Variants in PCNX2 observed in about 807,000 individuals in gnomAD.
PCNX2 encodes pecanex 2, also known as pecanex-like protein 2.
A neutral mutation model predicts 223.8 loss-of-function variants in PCNX2; 168 were observed. That is an observed-to-expected ratio of 0.75 (90% confidence interval 0.66 to 0.85). The LOEUF (loss-of-function observed/expected upper bound fraction) is 0.85, where lower values mean the gene tolerates loss of function less well. PCNX2 is among the 40% of genes least tolerant of loss of function. The pLI, the probability that PCNX2 is intolerant of heterozygous loss-of-function variation, is 0.00. For missense variants in PCNX2, 2,507 were observed against 2,675.5 expected, an observed-to-expected ratio of 0.94 and a Z score of 1.39; for synonymous variants, 1,006 against 1,052.6, an observed-to-expected ratio of 0.96 and a Z score of 0.86.
chr1:232,990,468 C>T lies in PCNX2; in HGVS notation c.5792-3928G>A, dbSNP rs1358402245. The stretch of plus-strand genomic sequence containing the variant: ...TACATTTCAGGAGAGCCAACAAGAT[C>T]GGCAGCTCTTGGCTCCACTGCTCTT... On this transcript the variant is annotated intron_variant, in intron 32 of 33. Coordinates refer to ENST00000258229, the MANE Select transcript of PCNX2 (RefSeq NM_014801.4). The surrounding 1 kb of genome is among the most constrained non-coding windows in gnomAD (Gnocchi z 4.3). Among the ~76,000 whole-genome samples, 1 of 152,186 alleles carries T rather than the reference C, an allele frequency of 6.6e-6. No individual in the cohort carries two copies. Among genetic ancestry groups the T allele is most frequent in the Non-Finnish European group, 1.5e-5 (1 of 68,032 alleles).
chr1:233,229,140 G>C (rs1446575913), intron 9 of PCNX2, among the ~76,000 whole-genome samples: 2 of 152,170 alleles, frequency 1.3e-5, no homozygotes, highest in African/African-American at 4.8e-5. Context: ...GCATTCATTA[G>C]AGGCCACAGC....
chr1:233,121,070 A>G (rs1443334201), intron 21 of PCNX2, among the ~76,000 whole-genome samples: 1 of 151,796 alleles, frequency 6.6e-6, no homozygotes, highest in African/African-American at 2.4e-5. Flanking sequence ...AAAAAAATAC[A>G]CCCTCCACGA....
At chr1:233,309,549 T>TA in the PCNX2 span, among the ~76,000 whole-genome samples, 3 of 117,508 alleles carry the variant, frequency 2.6e-5, no homozygotes, top group Admixed American at 2.5e-4. Flanking sequence ...AAAAAAATAA[T>TA]AATAATAATA....
In PCNX2 at chr1:233,237,070, C is replaced by G; in HGVS notation, c.2223-90G>C. ...CACAAACACAAGGACAATAGGAATG[C>G]CCAAAGCAGGTAGTGGATGAGACTT... is the stretch of plus-strand genomic sequence containing the variant. On this transcript the variant is annotated intron_variant, in intron 8 of 33. Coordinates refer to ENST00000258229, the MANE Select transcript of PCNX2 (RefSeq NM_014801.4). 11 of 1,518,256 alleles carry G rather than the reference C, an allele frequency of 7.2e-6. No homozygotes were observed. The South Asian group carries it at 1.2e-4, about 17-fold the overall frequency. The allele number at this position is 1,518,256 out of a possible 1,614,324, so 94.0% of individuals were successfully genotyped here.
chr1:233,118,902 C>T (rs1352400539), intron 21 of PCNX2, among the ~76,000 whole-genome samples: 1 of 152,000 alleles, frequency 6.6e-6, no homozygotes, highest in Non-Finnish European at 1.5e-5. Flanking sequence ...AATAGCAAAA[C>T]AATTTTGGGA....
intron 9 of PCNX2, among the ~76,000 whole-genome samples, chr1:233,235,465 G>T (rs1369340729): frequency 2.0e-5 from 3 of 152,002 alleles, no homozygotes; most frequent in East Asian, 3.9e-4. Flanking sequence ...GCACTTTTAA[G>T]TTAAGTCATC....
chr1:233,114,177 C>T (rs1043358141), intron 21 of PCNX2, among the ~76,000 whole-genome samples: 3 of 152,090 alleles, frequency 2.0e-5, no homozygotes, highest in Non-Finnish European at 2.9e-5. Context: ...CTGGGGTGAA[C>T]GGTGAAGTAG....
intron 23 of PCNX2, among the ~76,000 whole-genome samples, chr1:233,074,041 TTTTC>T (rs1672975135): frequency 1.3e-5 from 2 of 152,206 alleles, no homozygotes; most frequent in Non-Finnish European, 1.5e-5. Flanking sequence ...TAGTTTTTAA[TTTTC>T]TTTGAGATTT....
chr1:232,992,502 G>A (rs1669737259), intron 32 of PCNX2, among the ~76,000 whole-genome samples: 1 of 152,224 alleles, frequency 6.6e-6, no homozygotes, highest in Non-Finnish European at 1.5e-5. Flanking sequence ...AGTAATGCTT[G>A]TTTCCATCAA....
At chr1:233,088,514 T>G (rs888114812) in intron 23 of PCNX2, among the ~76,000 whole-genome samples, 1 of 152,184 alleles carries the variant, frequency 6.6e-6, no homozygotes, top group African/African-American at 2.4e-5. Context: ...TTTTTTTTAC[T>G]CTCTGGCTCT....
In PCNX2 at chr1:233,172,405, C is replaced by A. The variant is rs948570875; in HGVS notation, c.3273+5397G>T. 3.9e-5 allele frequency: 38 copies of A among 985,310 alleles called. No individual in the cohort carries two copies. In the African/African-American group the frequency reaches 6.1e-4, roughly 16 times the overall value. 61.0% of individuals were successfully genotyped at this position (985,310 alleles called of 1,614,324 possible). A position where few individuals can be genotyped will look rare whatever the true frequency, so the allele number is the denominator to read the frequency against. On this transcript the variant is annotated intron_variant, in intron 17 of 33. Coordinates refer to ENST00000258229, the MANE Select transcript of PCNX2 (RefSeq NM_014801.4). Reference sequence around the variant, plus strand: ...ATTTGGTGCCATCTAGTTGTTTGAACTTGTGCTGCAAATCCATGCAAACTT... The same window carrying A: ...ATTTGGTGCCATCTAGTTGTTTGAAATTGTGCTGCAAATCCATGCAAACTT...
chr1:233,210,925 C>G (rs2102915786), intron 12 of PCNX2, among the ~76,000 whole-genome samples: 1 of 152,242 alleles, frequency 6.6e-6, no homozygotes, highest in South Asian at 2.1e-4. Flanking sequence ...GTCTCATCAC[C>G]CAAATGCTAG....
chr1:233,213,722 T>C (rs569100650), intron 12 of PCNX2, among the ~76,000 whole-genome samples: 3 of 151,640 alleles, frequency 2.0e-5, no homozygotes, highest in East Asian at 1.9e-4. Context: ...AAGACACATA[T>C]GTAAAGAGAA....
intron 15 of PCNX2, among the ~76,000 whole-genome samples, chr1:233,193,270 G>A (rs1456818303): frequency 6.6e-6 from 1 of 151,608 alleles, no homozygotes; most frequent in Non-Finnish European, 1.5e-5. Flanking sequence ...AGAAATGAGA[G>A]ACATGAAAGA....
intron 1 of PCNX2, chr1:233,291,074 G>A: frequency 1.0e-6 from 1 of 985,360 alleles, no homozygotes; most frequent in Non-Finnish European, 1.2e-6. Context: ...CCTTCAAAGT[G>A]CTCTTATATG....
intron 28 of PCNX2, among the ~76,000 whole-genome samples, chr1:233,009,981 A>G (rs1332909019): frequency 2.0e-5 from 3 of 152,194 alleles, no homozygotes; most frequent in Non-Finnish European, 4.4e-5. Flanking sequence ...TTAGACTTAC[A>G]TATTTTTCTC....
At chr1:232,989,040 T>C (rs1439604840) in intron 32 of PCNX2, among the ~76,000 whole-genome samples, 1 of 152,178 alleles carries the variant, frequency 6.6e-6, no homozygotes, top group African/African-American at 2.4e-5. Context: ...CTGACCAGAA[T>C]TGAGGCAAGG....
chr1:233,276,648 C>T (rs571370074), intron 1 of PCNX2, among the ~76,000 whole-genome samples: 6 of 152,282 alleles, frequency 3.9e-5, no homozygotes, highest in South Asian at 2.1e-4. Flanking sequence ...TCAGAGAGCT[C>T]GCGATTTCCC....
upstream of PCNX2, among the ~76,000 whole-genome samples, chr1:233,298,188 C>T (rs1331777792): frequency 1.3e-5 from 2 of 151,890 alleles, no homozygotes; most frequent in African/African-American, 2.4e-5. Context: ...CTGTGAATTA[C>T]AAGGATTAAA....
Sources: allele counts gnomAD v4.1 joint callset (sites outside exome capture counted in the v4.1 genomes callset), GRCh38; gene constraint gnomAD v4.1.1; non-coding constraint Gnocchi (gnomAD v3.1); transcripts MANE v1.5; gene names NCBI Gene and HGNC (gene_info 2026-07-23, HGNC 2026-07-21).